Variants in LSM14A observed in about 807,000 individuals in gnomAD.
LSM14A encodes protein LSM14 homolog A.
In LSM14A, 14 loss-of-function variants were observed where a neutral mutation model predicts 52.4. The observed-to-expected ratio is 0.27, with a 90% CI of 0.18 to 0.42. The LOEUF is 0.42. Ranked by LOEUF, LSM14A falls within the 10% of genes least tolerant of loss-of-function variation. LSM14A has a pLI of 1.00. For missense variants in LSM14A, 417 were observed against 581.8 expected (o/e 0.72, Z 2.91); for synonymous variants, 185 against 200.3 (o/e 0.92, Z 0.64).
At chr19:34,216,723 A>G (rs1454067256) in intron 6 of LSM14A, among the ~76,000 whole-genome samples, 1 of 152,018 alleles carries the variant, frequency 6.6e-6, no homozygotes, top group African/African-American at 2.4e-5. Flanking sequence ...CTCCCGAAGT[A>G]TTGGGATTAT....
At chr19:34,217,619 G>GTT (rs34613927) in intron 6 of LSM14A, among the ~76,000 whole-genome samples, 293 of 13,708 alleles carry the variant, frequency 0.021, 12 homozygotes, top group Non-Finnish European at 0.029. Context: ...CCCCCCCCGT[G>GTT]TTTTTTTTTT....
intron 1 of LSM14A, among the ~76,000 whole-genome samples, chr19:34,183,275 G>A (rs904715921): frequency 1.1e-4 from 16 of 152,202 alleles, no homozygotes; most frequent in East Asian, 3.9e-4. Flanking sequence ...AAACCCGGCC[G>A]GGCGCAGTGG....
chr19:34,190,397 G>T (rs1159016064), intron 1 of LSM14A, among the ~76,000 whole-genome samples: 1 of 152,018 alleles, frequency 6.6e-6, no homozygotes, highest in Non-Finnish European at 1.5e-5. Context: ...CCATATGATA[G>T]AGGTTTTCTT....
intron 6 of LSM14A, among the ~76,000 whole-genome samples, chr19:34,217,336 T>C (rs2072694264): frequency 6.6e-6 from 1 of 151,740 alleles, no homozygotes; most frequent in Non-Finnish European, 1.5e-5. Flanking sequence ...CTTTTATGAT[T>C]ATTGATTTAA....
At chr19:34,188,964 A>G (rs1043471495) in intron 1 of LSM14A, among the ~76,000 whole-genome samples, 1 of 152,136 alleles carries the variant, frequency 6.6e-6, no homozygotes, top group Non-Finnish European at 1.5e-5. Context: ...TTCTGTGTGA[A>G]CATAATATAA....
intron 1 of LSM14A, among the ~76,000 whole-genome samples, chr19:34,192,319 G>GTTGTTTTTTTTTT (rs60512063): frequency 1.9e-5 from 1 of 53,410 alleles, no homozygotes; most frequent in African/African-American, 8.1e-5. Context: ...TCTTTTTGTT[G>GTTGTTTTTTTTTT]TTTTTTTTTT....
intron 4 of LSM14A, among the ~76,000 whole-genome samples, chr19:34,209,945 T>C (rs2072012126): frequency 6.6e-6 from 1 of 152,022 alleles, no homozygotes; most frequent in Non-Finnish European, 1.5e-5. Context: ...CTTGGACACC[T>C]GGCCCCAAAC....
intron 1 of LSM14A, among the ~76,000 whole-genome samples, chr19:34,178,690 T>C (rs1390563485): frequency 2.0e-5 from 3 of 152,242 alleles, no homozygotes; most frequent in Non-Finnish European, 4.4e-5. Flanking sequence ...CTTATTGTTC[T>C]TGTAGAAGTA....
At position 34,203,610 on chromosome 19, in the gene LSM14A, G is replaced by A. The variant is rs144232868; in HGVS notation, c.416-5319G>A. 3.0e-3 allele frequency among the ~76,000 whole-genome samples: 455 copies of A among 152,062 alleles called. 2 individuals carry two copies. The highest frequency in any genetic ancestry group is 0.027 in the Middle Eastern group (8 of 294). On this transcript the variant is annotated intron_variant, in intron 3 of 9. Transcript: ENST00000544216. Reference sequence around the variant, plus strand: ...AGGTCAGGAGTTCAGGATCAGCCTGGCCAACACAGTGAAACCCTGTCTCTA... The same window carrying A: ...AGGTCAGGAGTTCAGGATCAGCCTGACCAACACAGTGAAACCCTGTCTCTA...
intron 1 of LSM14A, among the ~76,000 whole-genome samples, chr19:34,180,715 C>T (rs989997246): frequency 2.4e-4 from 36 of 152,174 alleles, no homozygotes; most frequent in Non-Finnish European, 5.1e-4. Flanking sequence ...TGAGCAACCA[C>T]GACAGTCAGT....
chr19:34,202,528 A>G (rs2071377395), intron 3 of LSM14A, among the ~76,000 whole-genome samples: 2 of 151,578 alleles, frequency 1.3e-5, no homozygotes, highest in South Asian at 4.2e-4. Context: ...ATAGTGAAAA[A>G]CATACAAATT....
intron 3 of LSM14A, among the ~76,000 whole-genome samples, chr19:34,206,281 G>C (rs533874579): frequency 1.3e-5 from 2 of 152,266 alleles, no homozygotes; most frequent in East Asian, 3.9e-4. Flanking sequence ...TGATGCAGAA[G>C]GATCTCTTGA....
chr19:34,183,765 G>A (rs374948689), intron 1 of LSM14A, among the ~76,000 whole-genome samples: 12 of 152,274 alleles, frequency 7.9e-5, no homozygotes, highest in Admixed American at 4.6e-4. Context: ...GACATCAACA[G>A]GCACAATGGA....
At chr19:34,193,603 T>G (rs1775658554) in intron 1 of LSM14A, among the ~76,000 whole-genome samples, 1 of 152,180 alleles carries the variant, frequency 6.6e-6, no homozygotes, top group African/African-American at 2.4e-5. Context: ...GTTAAAATAA[T>G]CAGATTTAAT....
chr19:34,198,263 A>C (rs906260084), intron 3 of LSM14A, among the ~76,000 whole-genome samples: 3 of 152,098 alleles, frequency 2.0e-5, no homozygotes, highest in Non-Finnish European at 4.4e-5. Context: ...GATGTGACTT[A>C]AGTATTTAAA....
intron 1 of LSM14A, among the ~76,000 whole-genome samples, chr19:34,180,394 A>C (rs2069396486): frequency 6.6e-6 from 1 of 152,200 alleles, no homozygotes; most frequent in Non-Finnish European, 1.5e-5. Context: ...CAAGTTATTT[A>C]ACCTTAGCTT....
intron 1 of LSM14A, among the ~76,000 whole-genome samples, chr19:34,183,543 C>G (rs1169700534): frequency 6.6e-6 from 1 of 150,794 alleles, no homozygotes; most frequent in Non-Finnish European, 1.5e-5. Context: ...AGAGCGAGTT[C>G]GTCTCAAAAA....
chr19:34,191,071 G>A (rs17252790), intron 1 of LSM14A, among the ~76,000 whole-genome samples: 20,585 of 151,988 alleles, frequency 0.14, 1,710 homozygotes, highest in Middle Eastern at 0.25. Flanking sequence ...TTTTAATGCT[G>A]TAGTACTTTT....
chr19:34,226,565 G>T, intron 9 of LSM14A: 1 of 1,013,108 alleles, frequency 9.9e-7, no homozygotes. Flanking sequence ...CATACCATAT[G>T]TATTTCAGTT....
Sources: allele counts gnomAD v4.1 joint callset (sites outside exome capture counted in the v4.1 genomes callset), GRCh38; gene constraint gnomAD v4.1.1; transcripts MANE v1.5; gene names NCBI Gene and HGNC (gene_info 2026-07-23, HGNC 2026-07-21).